Variants in TOPORS observed in about 807,000 individuals in gnomAD.
TOPORS encodes the protein E3 ubiquitin-protein ligase Topors.
TOPORS carries 25 observed loss-of-function variants against 81.4 expected under a neutral mutation model. That is an observed-to-expected ratio of 0.31 (90% CI 0.22 to 0.43). The LOEUF (loss-of-function observed/expected upper bound fraction) is 0.43. Among genes scored for constraint, TOPORS ranks in the 20% least tolerant of loss-of-function variants. The pLI, the probability that TOPORS is intolerant of heterozygous loss-of-function variation, is 1.00. For missense variants in TOPORS, 1,101 were observed against 1,267.0 expected (o/e 0.87, Z 1.99); for synonymous variants, 473 against 456.6 (o/e 1.04, Z -0.46).
At chr9:32,545,638 G>A (rs1821131083) in intron 2 of TOPORS, among the ~76,000 whole-genome samples, 1 of 151,958 alleles carries the variant, frequency 6.6e-6, no homozygotes, top group South Asian at 2.1e-4. Flanking sequence ...GCAGGCACCT[G>A]TAATCCCAGC....
Position 32,541,758 on chromosome 9 carries a change from C to T in TOPORS, c.2767G>A (p.Asp923Asn). 1 of 1,614,182 alleles carries T rather than the reference C, an allele frequency of 6.2e-7. No individual in the cohort carries two copies. Among genetic ancestry groups the T allele is most frequent in the East Asian group, 2.2e-5 (1 of 44,886 alleles). Residue 923 changes from aspartate to asparagine, a missense_variant, in exon 3 of 3, where the codon GAT becomes AAT. By Grantham distance (23) the Asp-to-Asn change is conservative (BLOSUM62 1). Transcript: ENST00000360538. Reference protein sequence around the residue: ...DSDKDSEVKEDTECDNSGPQD... With the variant: ...DSDKDSEVKENTECDNSGPQD... Reference sequence around the variant, plus strand: ...GGACCACTATTGTCACATTCTGTATCCTCCTTTACTTCAGAATCCTTATCA... The same window carrying T: ...GGACCACTATTGTCACATTCTGTATTCTCCTTTACTTCAGAATCCTTATCA...
At chr9:32,548,483 G>A (rs1439160353) in intron 2 of TOPORS, among the ~76,000 whole-genome samples, 1 of 151,876 alleles carries the variant, frequency 6.6e-6, no homozygotes, top group East Asian at 1.9e-4. Flanking sequence ...CCGAGATTAC[G>A]CCACTGCACT....
intron 2 of TOPORS, among the ~76,000 whole-genome samples, chr9:32,547,176 G>A (rs1445729138): frequency 6.6e-6 from 1 of 152,142 alleles, no homozygotes; most frequent in Admixed American, 6.5e-5. Flanking sequence ...AAACAGCCTA[G>A]GCAACAAAGC....
intron 2 of TOPORS, among the ~76,000 whole-genome samples, chr9:32,549,444 T>C (rs1369439343): frequency 6.6e-6 from 1 of 152,250 alleles, no homozygotes; most frequent in Admixed American, 6.5e-5. Context: ...CACCACTTAG[T>C]AGGTGTGTAA....
intron 1 of TOPORS, chr9:32,551,197 T>C (rs1821249459): frequency 1.6e-6 from 1 of 615,734 alleles, no homozygotes; most frequent in Non-Finnish European, 2.9e-6. Context: ...ATCTTGTTAC[T>C]GGTACTCAGC....
Position 32,550,867 on chromosome 9 carries a change from G to A in TOPORS, c.105C>T (p.Arg35=). Residue 35 remains arginine (R), a synonymous_variant, in exon 2 of 3, where the codon CGC becomes CGT. Coordinates refer to ENST00000360538, the MANE Select transcript of TOPORS (RefSeq NM_005802.5). The part of the protein sequence containing the change: ...SEGRRRSRRV[R]LRGSCRHRPS... ...GTCGGTGTCGGCAGGATCCGCGAAG[G>A]CGTACCCGGCGACTTCTCCGCCTAC... The A allele has an allele frequency of 6.2e-7, 1 of 1,613,036 alleles. No individual in the cohort carries two copies. Among genetic ancestry groups the A allele is most frequent in the Non-Finnish European group, 8.5e-7 (1 of 1,179,802 alleles).
At chr9:32,548,568 G>A (rs1821174049) in intron 2 of TOPORS, among the ~76,000 whole-genome samples, 1 of 152,088 alleles carries the variant, frequency 6.6e-6, no homozygotes. Context: ...TGGCTGATCT[G>A]CAAGAGACGT....
chr9:32,551,089 T>G (rs1218367349), intron 1 of TOPORS, 121 bp from the exon 2 acceptor site: 2 of 1,227,200 alleles, frequency 1.6e-6, no homozygotes, highest in African/African-American at 3.0e-5. Flanking sequence ...GCGCAGCAGA[T>G]GGACGCCGGC....
chr9:32,542,065 T>C lies in TOPORS; in HGVS notation c.2460A>G (p.Ala820=), dbSNP rs1203361233. Residue 820 remains alanine, a synonymous_variant, in exon 3 of 3, where the codon GCA becomes GCG. Coordinates refer to ENST00000360538, the MANE Select transcript of TOPORS (RefSeq NM_005802.5). ...AAGATTTTTGGTAATGACTGTCCTT[T>C]GCTTTAGAAGCAAATTCACGAGATG... ...AQPSREFASK[A]KDSHYQKSSS... is the part of the protein sequence containing the mutation. 1 of 1,614,188 alleles carries C rather than the reference T, an allele frequency of 6.2e-7. No homozygotes were observed. Among genetic ancestry groups the C allele is most frequent in the Non-Finnish European group, 8.5e-7 (1 of 1,180,030 alleles).
chr9:32,544,012 A>G lies in TOPORS; in HGVS notation c.513T>C (p.Phe171=), dbSNP rs745768297. Residue 171 remains phenylalanine (F), a synonymous_variant, in exon 3 of 3, where the codon TTT becomes TTC. Coordinates refer to ENST00000360538, the MANE Select transcript of TOPORS (RefSeq NM_005802.5). ...AGCGAAATCGTCGATCAGGGGTGAC[A>G]AAAGAACCATTATACGAAGGCCTTA... ...YVLRPSYNGS[F]VTPDRRFRYR... 4 of 1,614,202 alleles carry G rather than the reference A, an allele frequency of 2.5e-6. No homozygotes were observed. The highest frequency in any genetic ancestry group is 1.7e-5 in the Admixed American group (1 of 60,026).
At chr9:32,545,087 T>C (rs1369226141) in intron 2 of TOPORS, among the ~76,000 whole-genome samples, 1 of 152,230 alleles carries the variant, frequency 6.6e-6, no homozygotes, top group African/African-American at 2.4e-5. Context: ...GAGGAAACTT[T>C]TAGTGAAGAT....
At chr9:32,546,074 T>C (rs1821136934) in intron 2 of TOPORS, among the ~76,000 whole-genome samples, 1 of 152,220 alleles carries the variant, frequency 6.6e-6, no homozygotes, top group African/African-American at 2.4e-5. Context: ...AATCAATTAA[T>C]GCTAAATAAG....
chr9:32,552,351 G>T (rs534310795), intron 1 of TOPORS, 83 bp downstream of exon 1: 1 of 1,562,358 alleles, frequency 6.4e-7, no homozygotes, highest in South Asian at 1.2e-5. Context: ...GATGGCTGCT[G>T]GCGCCTGGCA....
In TOPORS at chr9:32,541,899, T is replaced by C; in HGVS notation, c.2626A>G (p.Thr876Ala). ...TTTTTATGGTGTTTAGTTGTATCAG[T>C]AGCTTTTCCTTCATAAACTATCTCT... ...SVEIVYEGKA[T>A]DTTKHHKKKK... Residue 876 changes from threonine (T) to alanine (A), a missense_variant, in exon 3 of 3, where the codon ACT (threonine) becomes GCT (alanine). This residue lies in a region of TOPORS where 605 missense variants were observed against 636.1 expected (regional missense o/e 0.95). Coordinates refer to ENST00000360538, the MANE Select transcript of TOPORS (RefSeq NM_005802.5). 6.2e-7 allele frequency: 1 copy of C among 1,614,090 alleles called. No homozygotes were observed.
rs375839984 is a variant in TOPORS, at chr9:32,544,019, C to T, written c.506G>A (p.Gly169Asp). The stretch of plus-strand genomic sequence containing the variant: ...TCGTCGATCAGGGGTGACAAAAGAA[C>T]CATTATACGAAGGCCTTAGGACATA... ...KEYVLRPSYN[G>D]SFVTPDRRFR... Residue 169 changes from glycine (G) to aspartate (D), a missense_variant, in exon 3 of 3, where the codon GGT becomes GAT. This residue lies in a region of TOPORS where 120 missense variants were observed against 115.4 expected (regional missense o/e 1.04). Transcript: ENST00000360538. The T allele has an allele frequency of 1.4e-5, 22 of 1,614,024 alleles. No homozygotes were observed. The highest frequency in any genetic ancestry group is 1.9e-5 in the Non-Finnish European group (22 of 1,180,038).
At chr9:32,548,380 C>T (rs1821170316) in intron 2 of TOPORS, among the ~76,000 whole-genome samples, 1 of 151,532 alleles carries the variant, frequency 6.6e-6, no homozygotes, top group Admixed American at 6.6e-5. Flanking sequence ...AAAAATTCGC[C>T]GGGCGTGGTG....
chr9:32,550,675 G>A (rs1203446186), intron 2 of TOPORS, 99 bp downstream of exon 2: 1 of 1,432,172 alleles, frequency 7.0e-7, no homozygotes, highest in East Asian at 2.3e-5. Context: ...CGCAGGCCAT[G>A]ACCGCAACCC....
At chr9:32,547,336 G>A (rs541931771) in intron 2 of TOPORS, among the ~76,000 whole-genome samples, 5 of 151,968 alleles carry the variant, frequency 3.3e-5, no homozygotes, top group African/African-American at 1.2e-4. Flanking sequence ...CATATGACCC[G>A]GCAATTACAC....
rs756391904 is a variant in TOPORS at position 32,550,755 on chromosome 9, T to G, written c.198+19A>C. ...GGCCCTTCCGACCCCCGCGTCCCAT[T>G]GTTCCGAATCTCACTCACCTCGGAG... On this transcript the variant is annotated intron_variant, in intron 2 of 2. Coordinates refer to ENST00000360538, the MANE Select transcript of TOPORS (RefSeq NM_005802.5). 1.9e-6 allele frequency: 3 copies of G among 1,612,518 alleles called. No individual in the cohort carries two copies. The East Asian group carries it at 6.7e-5, about 36-fold the overall frequency.
Sources: gnomAD v4.1 joint callset for allele counts (sites outside exome capture counted in the v4.1 genomes callset) on GRCh38, gnomAD v4.1.1 for gene constraint, gnomAD v4.1.1 regional missense constraint, MANE v1.5 for transcripts, NCBI Gene and HGNC (gene_info 2026-07-23, HGNC 2026-07-21) for gene names.